VPS13B: variants seen among roughly 807,000 people sequenced by gnomAD.
VPS13B encodes vacuolar protein sorting 13 homolog B.
Under a neutral mutation model 426.4 loss-of-function variants are expected in VPS13B, and 285 were observed. The observed-to-expected ratio is 0.67, with a 90% CI of 0.61 to 0.74. The LOEUF (loss-of-function observed/expected upper bound fraction) is 0.74. Ranked by LOEUF, VPS13B falls within the 30% of genes least tolerant of loss-of-function variation. The pLI is 0.00. For missense variants in VPS13B, 4,537 were observed against 4,782.6 expected (o/e 0.95, Z 1.51); for synonymous variants, 1,676 against 1,676.4 (o/e 1.00, Z 0.01).
At chr8:99,254,490 T>C (rs902662989) in intron 17 of VPS13B, among the ~76,000 whole-genome samples, 13 of 151,920 alleles carry the variant, frequency 8.6e-5, no homozygotes, top group Non-Finnish European at 1.9e-4. Context: ...CAAAAGTTTA[T>C]CCATGATGCG....
chr8:99,098,794 G>A (rs1846570469), intron 4 of VPS13B, among the ~76,000 whole-genome samples: 1 of 151,890 alleles, frequency 6.6e-6, no homozygotes, highest in Non-Finnish European at 1.5e-5. Context: ...ACTTTTATAG[G>A]TGGAAAATGC....
At chr8:99,657,482 G>GTGTGTGTGTGTGTA (rs1379761553) in intron 34 of VPS13B, among the ~76,000 whole-genome samples, 5 of 151,668 alleles carry the variant, frequency 3.3e-5, no homozygotes, top group Non-Finnish European at 4.4e-5. Flanking sequence ...GTGTGTGTGT[G>GTGTGTGTGTGTGTA]TGTGTGTGTG....
At chr8:99,761,606 A>T (rs1398225306) in intron 39 of VPS13B, among the ~76,000 whole-genome samples, 1 of 152,194 alleles carries the variant, frequency 6.6e-6, no homozygotes, top group East Asian at 1.9e-4. Flanking sequence ...TTTAATGCAG[A>T]ATTTCAGGAG....
At chr8:99,364,607 A>G (rs1812747011) in intron 19 of VPS13B, among the ~76,000 whole-genome samples, 1 of 151,884 alleles carries the variant, frequency 6.6e-6, no homozygotes, top group African/African-American at 2.4e-5. Context: ...TAATTTTTGT[A>G]TTTTTAGTAG....
At chr8:99,063,167 G>A (rs1046177522) in intron 3 of VPS13B, among the ~76,000 whole-genome samples, 1 of 152,212 alleles carries the variant, frequency 6.6e-6, no homozygotes, top group African/African-American at 2.4e-5. Flanking sequence ...CAGAAGACGG[G>A]TGATTTCTGC....
At chr8:99,498,070 A>G (rs1821028237) in intron 25 of VPS13B, among the ~76,000 whole-genome samples, 1 of 152,116 alleles carries the variant, frequency 6.6e-6, no homozygotes, top group East Asian at 1.9e-4. Context: ...AGCCTTTCCT[A>G]TTTCAAAATA....
At position 99,431,542 on chromosome 8, in the gene VPS13B, C is replaced by T. The variant is rs374072699; in HGVS notation, c.3088C>T (p.Arg1030Cys). ...TTAGCTATTCTCGTACTCAGAATCC[C>T]GCCCATTGTCAGTTCCTGTTAAAGC... ...PVKTKTVTES[R>C]PLSVPVKAML... The change falls in exon 22 of 62, where the codon CGC becomes TGC. Residue 1030 changes from arginine (R) to cysteine (C), a missense_variant. By Grantham distance (180) the Arg-to-Cys change is radical. This residue lies in a region of VPS13B where 4,311 missense variants were observed against 4,474.3 expected (regional missense o/e 0.96). Transcript: ENST00000357162. 71 of 1,613,120 alleles carry T rather than the reference C, an allele frequency of 4.4e-5. No individual in the cohort carries two copies. The highest frequency in any genetic ancestry group is 6.7e-5 in the African/African-American group (5 of 74,866).
At chr8:99,501,928 C>T in intron 26 of VPS13B, 70 bp downstream of exon 26, 1 of 1,384,498 alleles carries the variant, frequency 7.2e-7, no homozygotes, top group East Asian at 2.5e-5. Context: ...CCCTCCCTCC[C>T]TTCCTTCCTT....
chr8:99,106,666 T>C (rs1445559954), intron 5 of VPS13B, among the ~76,000 whole-genome samples: 1 of 152,190 alleles, frequency 6.6e-6, no homozygotes, highest in Non-Finnish European at 1.5e-5. Context: ...TTGGACTCTT[T>C]TTAAATTTTT....
intron 39 of VPS13B, among the ~76,000 whole-genome samples, chr8:99,722,083 T>G (rs1029792654): frequency 6.6e-6 from 1 of 152,234 alleles, no homozygotes; most frequent in African/African-American, 2.4e-5. Flanking sequence ...TCTGCTCACC[T>G]CTCCAACTGG....
intron 9 of VPS13B, 137 bp downstream of exon 9, chr8:99,134,864 C>G: frequency 8.5e-7 from 1 of 1,182,632 alleles, no homozygotes; most frequent in South Asian, 1.4e-5. Flanking sequence ...AGTTTACTAT[C>G]TCATGGATAG....
intron 34 of VPS13B, among the ~76,000 whole-genome samples, chr8:99,654,730 A>G (rs1028916580): frequency 6.6e-6 from 1 of 152,182 alleles, no homozygotes; most frequent in Admixed American, 6.5e-5. Context: ...GATAGCCACA[A>G]ATAAATGTAT....
chr8:99,653,066 AT>A (rs1829886371), intron 34 of VPS13B, among the ~76,000 whole-genome samples: 1 of 152,226 alleles, frequency 6.6e-6, no homozygotes, highest in Admixed American at 6.5e-5. Flanking sequence ...AAGCTCTTTC[AT>A]GCAAACAGCT....
At chr8:99,591,854 A>ATC (rs1826695684) in intron 33 of VPS13B, among the ~76,000 whole-genome samples, 1 of 152,060 alleles carries the variant, frequency 6.6e-6, no homozygotes, top group African/African-American at 2.4e-5. Context: ...CTCGAGGAGT[A>ATC]TCTTTGTGGT....
chr8:99,324,790 A>G (rs1474364117), intron 19 of VPS13B, among the ~76,000 whole-genome samples: 1 of 152,148 alleles, frequency 6.6e-6, no homozygotes, highest in Non-Finnish European at 1.5e-5. Flanking sequence ...TTATTTATAT[A>G]TTGAGGGGAA....
intron 39 of VPS13B, among the ~76,000 whole-genome samples, chr8:99,745,454 A>G: frequency 6.6e-6 from 1 of 152,148 alleles, no homozygotes; most frequent in East Asian, 1.9e-4. Context: ...ACAGTACAAT[A>G]AGATATTTTG....
At chr8:99,801,199 C>G (rs573434042) in intron 43 of VPS13B, among the ~76,000 whole-genome samples, 1 of 152,194 alleles carries the variant, frequency 6.6e-6, no homozygotes, top group African/African-American at 2.4e-5. Flanking sequence ...TCTCTCCCAC[C>G]CTCTGTCTCA....
chr8:99,136,447 A>C (rs1810074939), intron 11 of VPS13B, among the ~76,000 whole-genome samples: 1 of 152,128 alleles, frequency 6.6e-6, no homozygotes, highest in African/African-American at 2.4e-5. Flanking sequence ...AAGTGGTCAA[A>C]ATGTCTCATA....
At chr8:99,527,513 C>T (rs956827649) in intron 30 of VPS13B, among the ~76,000 whole-genome samples, 6 of 152,178 alleles carry the variant, frequency 3.9e-5, no homozygotes, top group South Asian at 2.1e-4. Flanking sequence ...TTCCTTTAAA[C>T]TCAATCTGAG....
Sources: gnomAD v4.1 joint callset for allele counts (sites outside exome capture counted in the v4.1 genomes callset) on GRCh38, gnomAD v4.1.1 for gene constraint, gnomAD v4.1.1 regional missense constraint, MANE v1.5 for transcripts, NCBI Gene and HGNC (gene_info 2026-07-23, HGNC 2026-07-21) for gene names.